The following ZDHHC15 variants were observed in gnomAD, a reference collection of about 807,000 sequenced individuals.
The protein encoded by ZDHHC15 is palmitoyltransferase ZDHHC15.
Under a neutral mutation model 31.7 loss-of-function variants are expected in ZDHHC15, and 19 were observed. The observed-to-expected ratio is 0.60, with a 90% CI of 0.42 to 0.88. ZDHHC15 has a LOEUF of 0.88. Among genes scored for constraint, ZDHHC15 ranks in the 40% least tolerant of loss-of-function variants. The pLI, the probability that ZDHHC15 is intolerant of heterozygous loss-of-function variation, is 0.00. For missense variants in ZDHHC15, 209 were observed against 251.2 expected (o/e 0.83, Z 1.14); for synonymous variants, 103 against 90.0 (o/e 1.14, Z -0.82).
At chrX:75,494,084 G>A (rs1051647470) in intron 2 of ZDHHC15, among the ~76,000 whole-genome samples, 6 of 111,694 alleles carry the variant, frequency 5.4e-5, no homozygotes, top group Non-Finnish European at 9.4e-5. Context: ...CTTCAGCAAA[G>A]TCTCAGGATA....
intron 3 of ZDHHC15, among the ~76,000 whole-genome samples, chrX:75,473,974 CTTA>C (rs752665853): frequency 9.2e-4 from 102 of 111,093 alleles, no homozygotes; most frequent in Non-Finnish European, 4.1e-4. Context: ...TAATTATGAC[CTTA>C]TTATTGTCTT....
intron 9 of ZDHHC15, among the ~76,000 whole-genome samples, chrX:75,418,688 C>T (rs1037506439): frequency 9.0e-6 from 1 of 111,679 alleles, no homozygotes; most frequent in Non-Finnish European, 1.9e-5. Flanking sequence ...TGACCTTTGA[C>T]AAAAACAAGC....
At chrX:75,402,253 G>T in intron 10 of ZDHHC15, among the ~76,000 whole-genome samples, 1 of 111,659 alleles carries the variant, frequency 9.0e-6, no homozygotes, top group East Asian at 2.8e-4. Flanking sequence ...ATTAAAGAGG[G>T]AAATTCATAG....
intron 4 of ZDHHC15, among the ~76,000 whole-genome samples, chrX:75,443,226 C>T (rs756030962): frequency 9.1e-6 from 1 of 110,108 alleles, no homozygotes; most frequent in Admixed American, 9.7e-5. Context: ...TACAAGGCTA[C>T]AGTAACCAAA....
At chrX:75,468,107 A>C (rs1233723597) in intron 3 of ZDHHC15, among the ~76,000 whole-genome samples, 2 of 106,162 alleles carry the variant, frequency 1.9e-5, no homozygotes, top group African/African-American at 7.0e-5. Context: ...GTGCAATAGC[A>C]CAATCTCGGG....
chrX:75,408,000 G>A (rs2083439587), intron 10 of ZDHHC15, among the ~76,000 whole-genome samples: 1 of 110,307 alleles, frequency 9.1e-6, no homozygotes, highest in Non-Finnish European at 1.9e-5. Flanking sequence ...TTAAACAGAT[G>A]CTTGAAGGCA....
intron 4 of ZDHHC15, 80 bp downstream of exon 4, chrX:75,450,722 C>A (rs770180139): frequency 8.3e-6 from 10 of 1,204,448 alleles, no homozygotes; most frequent in Admixed American, 2.2e-5. Context: ...AAAAAAAGGG[C>A]TAGTTTGAGA....
In ZDHHC15 at chrX:75,417,270, G is replaced by T. The variant is rs1010078565; in HGVS notation, c.864-80C>A. 4 of 672,715 alleles carry T rather than the reference G, an allele frequency of 5.9e-6. No homozygotes were observed. In the African/African-American group the frequency reaches 6.6e-5, roughly 11 times the overall value. The allele number at this position is 672,715 out of a possible 1,213,427, so 55.4% of individuals were successfully genotyped here. ...GGTTATAATCCTCTTAAAAACAAGA[G>T]GGGGGTTCTTAGCCATATTTAGTCT... On this transcript the variant is annotated intron_variant, in intron 9 of 11. Transcript: ENST00000373367.
At chrX:75,380,990 T>C (rs1260163966) in intron 10 of ZDHHC15, among the ~76,000 whole-genome samples, 1 of 111,568 alleles carries the variant, frequency 9.0e-6, no homozygotes, top group Non-Finnish European at 1.9e-5. Context: ...TTCTAGCCAT[T>C]GGTTCTCAGA....
intron 1 of ZDHHC15, among the ~76,000 whole-genome samples, chrX:75,517,064 G>C (rs1008745236): frequency 4.5e-5 from 5 of 111,646 alleles, no homozygotes; most frequent in African/African-American, 1.6e-4. Context: ...TTAGAATGGC[G>C]ATCATTAAAA....
intron 1 of ZDHHC15, among the ~76,000 whole-genome samples, chrX:75,518,355 A>T (rs1179829200): frequency 9.0e-6 from 1 of 111,540 alleles, no homozygotes; most frequent in Non-Finnish European, 1.9e-5. Flanking sequence ...AGATATATGG[A>T]TGGCAAACAA....
chrX:75,453,118 C>A (rs1035289939), intron 3 of ZDHHC15, among the ~76,000 whole-genome samples: 3 of 110,884 alleles, frequency 2.7e-5, no homozygotes, highest in African/African-American at 6.5e-5. Flanking sequence ...AAAAGATCAA[C>A]AAAAGTGATA....
In ZDHHC15 at chrX:75,436,519, T is replaced by G. The variant is rs751201052; in HGVS notation, c.380-4999A>C. Among the ~76,000 whole-genome samples, 9 of 112,062 alleles carry G rather than the reference T, an allele frequency of 8.0e-5. No individual in the cohort carries two copies. The South Asian group carries it at 3.0e-3, about 37-fold the overall frequency. On this transcript the variant is annotated intron_variant, in intron 4 of 11. Transcript: ENST00000373367. ...ACTGTTTTGCTGTATCCCAGAGGTTTTGATAGGTTGTGTTACTATTATCAT... is the reference window on the plus strand; with the variant it reads ...ACTGTTTTGCTGTATCCCAGAGGTTGTGATAGGTTGTGTTACTATTATCAT...
intron 2 of ZDHHC15, among the ~76,000 whole-genome samples, chrX:75,491,044 C>T (rs1442687034): frequency 9.0e-6 from 1 of 111,636 alleles, no homozygotes; most frequent in Non-Finnish European, 1.9e-5. Context: ...TAAACTAGTT[C>T]AACCATTGTG....
chrX:75,466,810 A>G (rs2084413951), intron 3 of ZDHHC15, among the ~76,000 whole-genome samples: 1 of 106,801 alleles, frequency 9.4e-6, no homozygotes, highest in East Asian at 3.0e-4. Flanking sequence ...ACCAAACACC[A>G]TACGTTCTAA....
At chrX:75,456,356 G>A (rs1184413565) in intron 3 of ZDHHC15, among the ~76,000 whole-genome samples, 3 of 107,450 alleles carry the variant, frequency 2.8e-5, no homozygotes, top group Non-Finnish European at 5.8e-5. Context: ...CCTGTCATGG[G>A]GTGGGGGGCT....
At chrX:75,392,860 G>C (rs1235730959) in intron 10 of ZDHHC15, among the ~76,000 whole-genome samples, 1 of 110,748 alleles carries the variant, frequency 9.0e-6, no homozygotes, top group Non-Finnish European at 1.9e-5. Flanking sequence ...GTTGTAGCTG[G>C]TACTGACGAC....
chrX:75,414,829 G>A lies in ZDHHC15; in HGVS notation c.967+2258C>T, dbSNP rs192799728. 3.7e-3 allele frequency among the ~76,000 whole-genome samples: 397 copies of A among 106,980 alleles called. 3 individuals are homozygous for A. The highest frequency in any genetic ancestry group is 0.013 in the African/African-American group (370 of 29,366). 92.9% of individuals were successfully genotyped at this position (106,980 alleles called of 115,157 possible). ...CGCCCAGGGTAGAGTGCAGTGGCAC[G>A]ATCTCAGCTCACTGCAACCTCCATC... is the stretch of plus-strand genomic sequence containing the variant. On this transcript the variant is annotated intron_variant, in intron 10 of 11. Transcript: ENST00000373367.
At chrX:75,451,745 C>T (rs1193891026) in intron 3 of ZDHHC15, among the ~76,000 whole-genome samples, 1 of 111,464 alleles carries the variant, frequency 9.0e-6, no homozygotes, top group Non-Finnish European at 1.9e-5. Flanking sequence ...AATATTGGTG[C>T]AGAAGTGCCA....
Sources: gnomAD v4.1 joint callset for allele counts (sites outside exome capture counted in the v4.1 genomes callset) on GRCh38, gnomAD v4.1.1 for gene constraint, MANE v1.5 for transcripts, NCBI Gene and HGNC (gene_info 2026-07-23, HGNC 2026-07-21) for gene names.